Variants in PGBD5 observed in about 807,000 individuals in gnomAD.
PGBD5 encodes piggyBac transposable element derived 5.
A neutral mutation model predicts 47.9 loss-of-function variants in PGBD5; 14 were observed. The ratio of observed to expected loss-of-function variants is 0.29; its 90% CI spans 0.19 to 0.46. PGBD5 has a LOEUF of 0.46. Ranked by LOEUF, PGBD5 falls within the 20% of genes least tolerant of loss-of-function variation. The probability of loss-of-function intolerance (pLI) is 1.00; values close to 1 mark genes in which losing one functional copy is unlikely to be tolerated. For synonymous variants in PGBD5, 316 were observed against 306.3 expected (o/e 1.03, Z -0.33); for missense variants, 635 against 716.0 (o/e 0.89, Z 1.29).
chr1:230,327,484 G>T (rs1257553830), intron 5 of PGBD5, among the ~76,000 whole-genome samples: 1 of 152,176 alleles, frequency 6.6e-6, no homozygotes, highest in African/African-American at 2.4e-5. Context: ...TGGCCAGCTT[G>T]TGGGAAATTG....
chr1:230,338,136 T>C (rs1667355179), intron 3 of PGBD5, among the ~76,000 whole-genome samples: 2 of 152,246 alleles, frequency 1.3e-5, no homozygotes. Flanking sequence ...AGCTCGCATG[T>C]TGCCTGTGGT....
At chr1:230,376,136 T>C (rs78456011) in intron 1 of PGBD5, among the ~76,000 whole-genome samples, 2,716 of 152,208 alleles carry the variant, frequency 0.018, 44 homozygotes, top group South Asian at 0.082. Context: ...CAAGGTGGGA[T>C]GCGTGGAGTC....
At chr1:230,398,953 C>A (rs1261798463) in intron 1 of PGBD5, among the ~76,000 whole-genome samples, 1 of 151,964 alleles carries the variant, frequency 6.6e-6, no homozygotes, top group Non-Finnish European at 1.5e-5. Context: ...GGCCAGGCTC[C>A]GACAAGAGGG....
intron 1 of PGBD5, among the ~76,000 whole-genome samples, chr1:230,419,641 C>T (rs1292438591): frequency 6.6e-6 from 1 of 152,184 alleles, no homozygotes; most frequent in Non-Finnish European, 1.5e-5. Context: ...GCATCGCATA[C>T]CGGTTTGCTG....
At chr1:230,365,757 C>G (rs957247587) in intron 1 of PGBD5, among the ~76,000 whole-genome samples, 1 of 152,236 alleles carries the variant, frequency 6.6e-6, no homozygotes, top group African/African-American at 2.4e-5. Flanking sequence ...ATCCCCATCA[C>G]ATGTACCTCC....
intron 5 of PGBD5, among the ~76,000 whole-genome samples, chr1:230,331,364 TATGATAG>T (rs1667212253): frequency 6.6e-6 from 1 of 152,126 alleles, no homozygotes; most frequent in African/African-American, 2.4e-5. Flanking sequence ...TGCAGTGAGC[TATGATAG>T]CACCACTGCA....
chr1:230,315,918 GTA>G lies in PGBD5; in HGVS notation c.*7505_*7506del, dbSNP rs1387841726. On this transcript the variant is annotated 3_prime_UTR_variant, in exon 7 of 7. Coordinates refer to ENST00000391860, the MANE Select transcript of PGBD5 (RefSeq NM_001258311.2). ...TATGTGTACACATATATGTATATGTGTATATGTGTACACATATATGTATGTGT... is the reference window on the plus strand; with the variant it reads ...TATGTGTACACATATATGTATATGTGTATGTGTACACATATATGTATGTGT... The G allele has an allele frequency of 7.8e-5, 10 of 128,922 alleles. 1 individual carries two copies. The highest frequency in any genetic ancestry group is 2.2e-4 in the East Asian group (1 of 4,474). The allele number at this position is 128,922 out of a possible 1,614,324, so 8.0% of individuals were successfully genotyped here. A position where few individuals can be genotyped will look rare whatever the true frequency, so the allele number is the denominator to read the frequency against.
intron 1 of PGBD5, among the ~76,000 whole-genome samples, chr1:230,396,190 A>AC (rs1171255640): frequency 3.2e-4 from 17 of 52,772 alleles, no homozygotes; most frequent in African/African-American, 5.5e-4. Context: ...ATTCCTTTTT[A>AC]CCCCCCCACT....
intron 1 of PGBD5, among the ~76,000 whole-genome samples, chr1:230,411,788 G>C (rs6690823): frequency 0.085 from 12,983 of 151,912 alleles, 718 homozygotes; most frequent in South Asian, 0.22. Context: ...GGAACATAAG[G>C]GTACCTCAGT....
chr1:230,393,184 G>C (rs1026831904), intron 1 of PGBD5, among the ~76,000 whole-genome samples: 44 of 142,514 alleles, frequency 3.1e-4, no homozygotes, highest in African/African-American at 1.1e-3. Flanking sequence ...GGGAAGGGAG[G>C]GGGGGAGGAG....
chr1:230,356,848 G>A (rs1176386229), intron 2 of PGBD5, 46 bp downstream of exon 2: 3 of 1,577,090 alleles, frequency 1.9e-6, no homozygotes, highest in Non-Finnish European at 1.7e-6. Flanking sequence ...TAGGCCGAGA[G>A]AGCGAGGACA....
In PGBD5 at chr1:230,315,924, G is replaced by GTGTACACATACATATGTATA. The variant is rs1666931877; in HGVS notation, c.*7500_*7501insTATACATATGTATGTGTACA. The GTGTACACATACATATGTATA allele has an allele frequency of 1.2e-5, 1 of 84,376 alleles. No individual in the cohort carries two copies. The highest frequency in any genetic ancestry group is 3.9e-5 in the African/African-American group (1 of 25,900). The allele number at this position is 84,376 out of a possible 1,614,324, so 5.2% of individuals were successfully genotyped here. On this transcript the variant is annotated 3_prime_UTR_variant, in exon 7 of 7. Coordinates refer to ENST00000391860, the MANE Select transcript of PGBD5 (RefSeq NM_001258311.2). Reference sequence around the variant, plus strand: ...TACACATATATGTATATGTGTATATGTGTACACATATATGTATGTGTATAC... The same window carrying GTGTACACATACATATGTATA: ...TACACATATATGTATATGTGTATATGTGTACACATACATATGTATATGTACACATATATGTATGTGTATAC...
Position 230,323,320 on chromosome 1 carries a change from C to T in PGBD5, c.*105G>A. 1 of 1,361,860 alleles carries T rather than the reference C, an allele frequency of 7.3e-7. No individual in the cohort carries two copies. The highest frequency in any genetic ancestry group is 1.0e-6 in the Non-Finnish European group (1 of 1,003,730). 84.4% of individuals were successfully genotyped at this position (1,361,860 alleles called of 1,614,324 possible). ...GGCCCTGTGCATCCCTCCCAGGCAGCAAGCCACACACCAGGCCGTGTCCGG... is the reference window on the plus strand; with the variant it reads ...GGCCCTGTGCATCCCTCCCAGGCAGTAAGCCACACACCAGGCCGTGTCCGG... On this transcript the variant is annotated 3_prime_UTR_variant, in exon 7 of 7. Coordinates refer to ENST00000391860, the MANE Select transcript of PGBD5 (RefSeq NM_001258311.2). The surrounding 1 kb of genome is among the most constrained non-coding windows in gnomAD (Gnocchi z 4.1).
chr1:230,362,154 C>T (rs1571840581), intron 1 of PGBD5: 1 of 1,214,600 alleles, frequency 8.2e-7, no homozygotes, highest in Non-Finnish European at 1.1e-6. Context: ...CGTGACCATG[C>T]TCTTGCAACT....
Position 230,388,876 on chromosome 1 carries a change from T to A in PGBD5, c.332-31555A>T, listed in dbSNP as rs142687830. Among the ~76,000 whole-genome samples, 776 of 152,236 alleles carry A rather than the reference T, an allele frequency of 5.1e-3. 6 individuals are homozygous for A. Among genetic ancestry groups the A allele is most frequent in the African/African-American group, 0.018 (745 of 41,554 alleles). On this transcript the variant is annotated intron_variant, in intron 1 of 6. Coordinates refer to ENST00000391860, the MANE Select transcript of PGBD5 (RefSeq NM_001258311.2). ...GCTAGCACCTTGGGCTCTGGTTGAC[T>A]CAGGCCACAGAAATGGGGAAAGGAG...
rs1261525729 is a variant in PGBD5 at position 230,367,889 on chromosome 1, C to T, written c.332-10568G>A. On this transcript the variant is annotated intron_variant, in intron 1 of 6. Transcript: ENST00000391860. ...CAAGCACAGGGCTACCAGACTCCCG[C>T]TCTGCAGGTGAATGCAGAGGCTCGG... is the stretch of plus-strand genomic sequence containing the variant. The T allele has an allele frequency of 4.6e-6, 6 of 1,315,088 alleles. No homozygotes were observed. In the African/African-American group the frequency reaches 7.6e-5, roughly 17 times the overall value. The allele number at this position is 1,315,088 out of a possible 1,614,324, so 81.5% of individuals were successfully genotyped here. A position where few individuals can be genotyped will look rare whatever the true frequency, so the allele number is the denominator to read the frequency against.
intron 1 of PGBD5, among the ~76,000 whole-genome samples, chr1:230,387,274 C>T (rs77120293): frequency 0.015 from 2,340 of 152,288 alleles, 30 homozygotes; most frequent in Middle Eastern, 0.027. Context: ...ACCTCATTTC[C>T]AGGATTCATT....
In PGBD5 at chr1:230,357,318, G is replaced by A. The variant is rs1667666004; in HGVS notation, c.335C>T (p.Pro112Leu). 1.2e-6 allele frequency: 2 copies of A among 1,612,582 alleles called. No homozygotes were observed. The highest frequency in any genetic ancestry group is 1.3e-5 in the African/African-American group (1 of 74,848). ...GGCGCTGGGGGGCATCTTTCGGGTG[G>A]GACCTGAAACCCAAAGACAGGTGGA... Reference protein sequence around the residue: ...PPPRFEDTGGPTRKMPPSASA... With the variant: ...PPPRFEDTGGLTRKMPPSASA... Residue 112 changes from proline to leucine, a missense_variant, in exon 2 of 7, where the codon CCC becomes CTC. Coordinates refer to ENST00000391860, the MANE Select transcript of PGBD5 (RefSeq NM_001258311.2). This position sits in a 1 kb window ranked among gnomAD's most constrained non-coding sequence, Gnocchi z 5.7.
chr1:230,344,056 C>A (rs368688093), intron 3 of PGBD5, among the ~76,000 whole-genome samples: 17 of 152,262 alleles, frequency 1.1e-4, no homozygotes, highest in African/African-American at 3.9e-4. Flanking sequence ...GAGGCCGAGG[C>A]GGGCAGACCA....
Sources: gnomAD v4.1 joint callset for allele counts (sites outside exome capture counted in the v4.1 genomes callset) on GRCh38, gnomAD v4.1.1 for gene constraint, Gnocchi (gnomAD v3.1) non-coding constraint, MANE v1.5 for transcripts, NCBI Gene and HGNC (gene_info 2026-07-23, HGNC 2026-07-21) for gene names.